Variants in RIT2 observed in about 807,000 individuals in gnomAD.
RIT2 encodes GTP-binding protein Rit2.
Under a neutral mutation model 23.7 loss-of-function variants are expected in RIT2, and 24 were observed. The ratio of observed to expected loss-of-function variants is 1.01; its 90% CI spans 0.73 to 1.43. RIT2 has a LOEUF of 1.43. Ranked by LOEUF, RIT2 falls within the 40% of genes most tolerant of loss-of-function variation. The pLI is 0.00. For synonymous variants in RIT2, 107 were observed against 91.1 expected, an observed-to-expected ratio of 1.17 and a Z score of -0.99; for missense variants, 236 against 266.9, an observed-to-expected ratio of 0.88 and a Z score of 0.81.
At chr18:42,760,806 A>T (rs1913282563) in intron 4 of RIT2, among the ~76,000 whole-genome samples, 1 of 152,188 alleles carries the variant, frequency 6.6e-6, no homozygotes, top group Admixed American at 6.5e-5. Flanking sequence ...TTGTTTATTC[A>T]TTTAACGCAT....
At position 43,115,648 on chromosome 18, in the gene RIT2, C is replaced by T. The variant is rs1244670682; in HGVS notation, c.-129G>A. 4 of 1,324,620 alleles carry T rather than the reference C, an allele frequency of 3.0e-6. No individual in the cohort carries two copies. Among genetic ancestry groups the T allele is most frequent in the African/African-American group, 3.0e-5 (2 of 66,164 alleles). The allele number at this position is 1,324,620 out of a possible 1,614,324, so 82.1% of individuals were successfully genotyped here. On this transcript the variant is annotated 5_prime_UTR_variant, in exon 1 of 5. Coordinates refer to ENST00000326695, the MANE Select transcript of RIT2 (RefSeq NM_002930.4). ...AGTACGAGGTAAGAACCATCAGCGT[C>T]GGGCTGGCTGCTGGTCCTCCGCTCG...
intron 4 of RIT2, among the ~76,000 whole-genome samples, chr18:42,746,456 A>G (rs977261300): frequency 6.6e-6 from 1 of 152,156 alleles, no homozygotes; most frequent in African/African-American, 2.4e-5. Context: ...GAAAGCTGCT[A>G]TAGTTTAAAT....
chr18:42,974,154 A>G lies in RIT2; in HGVS notation c.161-7T>C. 6.3e-7 allele frequency: 1 copy of G among 1,592,386 alleles called. No homozygotes were observed. The highest frequency in any genetic ancestry group is 1.7e-5 in the Admixed American group (1 of 59,350). On this transcript the variant is annotated splice_polypyrimidine_tract_variant and splice_region_variant and intron_variant, in intron 2 of 4. Transcript: ENST00000326695. Reference sequence around the variant, plus strand: ...TGGGTCTTATAAGCATCTTCTGAAAAACACAAGACAACATTTACATTTAAA... The same window carrying G: ...TGGGTCTTATAAGCATCTTCTGAAAGACACAAGACAACATTTACATTTAAA...
At chr18:42,885,158 T>C (rs1287818049) in intron 4 of RIT2, among the ~76,000 whole-genome samples, 4 of 152,222 alleles carry the variant, frequency 2.6e-5, no homozygotes, top group Non-Finnish European at 5.9e-5. Context: ...AGCATTGAAA[T>C]GGAAATAGAA....
chr18:42,862,159 T>G (rs1907344840), intron 4 of RIT2, among the ~76,000 whole-genome samples: 1 of 152,140 alleles, frequency 6.6e-6, no homozygotes, highest in African/African-American at 2.4e-5. Flanking sequence ...AGGGACCTGG[T>G]GAGAGATGAT....
chr18:42,970,359 A>G (rs1272622171), intron 3 of RIT2, among the ~76,000 whole-genome samples: 1 of 152,082 alleles, frequency 6.6e-6, no homozygotes, highest in Non-Finnish European at 1.5e-5. Flanking sequence ...ATGTAGCAGA[A>G]GAGTTAAGTA....
chr18:43,069,834 T>C (rs988210090), intron 1 of RIT2, among the ~76,000 whole-genome samples: 2 of 152,140 alleles, frequency 1.3e-5, no homozygotes, highest in African/African-American at 4.8e-5. Flanking sequence ...CCTTCAGTTC[T>C]CAGCACAGAT....
At chr18:43,027,646 T>C (rs1437762758) in intron 2 of RIT2, among the ~76,000 whole-genome samples, 1 of 151,914 alleles carries the variant, frequency 6.6e-6, no homozygotes, top group African/African-American at 2.4e-5. Flanking sequence ...GATGTGAAGA[T>C]AGGAGGAGAA....
intron 1 of RIT2, among the ~76,000 whole-genome samples, chr18:43,076,980 G>T (rs922636231): frequency 1.3e-5 from 2 of 149,976 alleles, no homozygotes; most frequent in Non-Finnish European, 3.0e-5. Flanking sequence ...GCGGGCGCCT[G>T]TAGTCCCAGC....
intron 2 of RIT2, among the ~76,000 whole-genome samples, chr18:43,008,189 TATTA>T (rs1207505400): frequency 6.6e-6 from 1 of 151,662 alleles, no homozygotes; most frequent in Non-Finnish European, 1.5e-5. Flanking sequence ...GAGCAATTAA[TATTA>T]ATATTTTTAA....
At chr18:42,822,459 G>T (rs1906179193) in intron 4 of RIT2, among the ~76,000 whole-genome samples, 1 of 152,182 alleles carries the variant, frequency 6.6e-6, no homozygotes, top group South Asian at 2.1e-4. Flanking sequence ...AGCTGCCCAG[G>T]TCTCTTTAGA....
intron 4 of RIT2, among the ~76,000 whole-genome samples, chr18:42,885,112 C>G (rs532455836): frequency 6.6e-6 from 1 of 152,274 alleles, no homozygotes; most frequent in East Asian, 1.9e-4. Flanking sequence ...TAACAACTGG[C>G]TCTCAAAAGT....
At position 43,103,666 on chromosome 18, in the gene RIT2, G is replaced by A. The variant is rs866389521; in HGVS notation, c.103+11751C>T. Among the ~76,000 whole-genome samples, 7 of 152,298 alleles carry A rather than the reference G, an allele frequency of 4.6e-5. No homozygotes were observed. The Middle Eastern group carries it at 0.024, about 518-fold the overall frequency. ...AATCGAACAAATTGAGGGAAAGGAG[G>A]AGAGAGCTTATTTTAAAATAACTTC... On this transcript the variant is annotated intron_variant, in intron 1 of 4. Transcript: ENST00000326695.
intron 3 of RIT2, among the ~76,000 whole-genome samples, chr18:42,953,041 A>G (rs1043462802): frequency 6.6e-6 from 1 of 151,880 alleles, no homozygotes; most frequent in Non-Finnish European, 1.5e-5. Flanking sequence ...TCCTCTGCAG[A>G]AAACTACATT....
intron 4 of RIT2, among the ~76,000 whole-genome samples, chr18:42,795,104 G>A (rs1205628354): frequency 2.0e-5 from 3 of 152,196 alleles, no homozygotes; most frequent in Non-Finnish European, 4.4e-5. Context: ...CACAGCCCTC[G>A]CTCGCTCTCG....
chr18:42,770,997 C>A (rs772135842), intron 4 of RIT2, among the ~76,000 whole-genome samples: 4 of 152,160 alleles, frequency 2.6e-5, no homozygotes, highest in Non-Finnish European at 5.9e-5. Context: ...ATTGTATGAA[C>A]TGGCAATTGG....
intron 1 of RIT2, among the ~76,000 whole-genome samples, chr18:43,095,175 C>T (rs955488127): frequency 2.0e-5 from 3 of 152,080 alleles, no homozygotes; most frequent in East Asian, 1.9e-4. Flanking sequence ...TACACTCCCA[C>T]GAACAGTGTA....
intron 2 of RIT2, among the ~76,000 whole-genome samples, chr18:43,030,066 T>A (rs2144279221): frequency 6.6e-6 from 1 of 152,224 alleles, no homozygotes; most frequent in African/African-American, 2.4e-5. Flanking sequence ...ATGTTCAACA[T>A]TCTATTTAGG....
rs538530338 is a variant in RIT2, at chr18:42,966,931, A to G, written c.234+7143T>C. Among the ~76,000 whole-genome samples, 4 of 152,242 alleles carry G rather than the reference A, an allele frequency of 2.6e-5. No individual in the cohort carries two copies. In the South Asian group the frequency reaches 8.3e-4, roughly 32 times the overall value. On this transcript the variant is annotated intron_variant, in intron 3 of 4. Transcript: ENST00000326695. Reference sequence around the variant, plus strand: ...CTGTACCGTAGTTATGGCAAGCAGTATGGGCTAAACCTAATGTACTCACTA... The same window carrying G: ...CTGTACCGTAGTTATGGCAAGCAGTGTGGGCTAAACCTAATGTACTCACTA...
Sources: allele counts gnomAD v4.1 joint callset (sites outside exome capture counted in the v4.1 genomes callset), GRCh38; gene constraint gnomAD v4.1.1; transcripts MANE v1.5; gene names NCBI Gene and HGNC (gene_info 2026-07-23, HGNC 2026-07-21).